GNA14: variants seen among roughly 807,000 people sequenced by gnomAD.
GNA14 encodes the protein G protein subunit alpha 14.
Under a neutral mutation model 42.0 loss-of-function variants are expected in GNA14, and 50 were observed. That is an observed-to-expected ratio of 1.19 (90% CI 0.95 to 1.51). The LOEUF (loss-of-function observed/expected upper bound fraction) is 1.51. Among genes scored for constraint, GNA14 ranks in the 40% most tolerant of loss-of-function variants. GNA14 has a pLI of 0.00. For missense variants in GNA14, 473 were observed against 446.2 expected (o/e 1.06, Z -0.54); for synonymous variants, 173 against 163.1 (o/e 1.06, Z -0.46).
chr9:77,583,487 C>T (rs868744978), intron 1 of GNA14, among the ~76,000 whole-genome samples: 7 of 152,152 alleles, frequency 4.6e-5, no homozygotes, highest in Non-Finnish European at 7.3e-5. Flanking sequence ...GAATTTTACT[C>T]GTTTTATGTT....
chr9:77,605,499 C>G (rs544651791), intron 1 of GNA14, among the ~76,000 whole-genome samples: 1 of 152,340 alleles, frequency 6.6e-6, no homozygotes, highest in East Asian at 1.9e-4. Context: ...GAAAGATTTC[C>G]TGACCCTCCT....
chr9:77,562,135 G>A (rs534369293), intron 1 of GNA14, among the ~76,000 whole-genome samples: 14 of 152,256 alleles, frequency 9.2e-5, no homozygotes, highest in African/African-American at 2.9e-4. Flanking sequence ...CTTTGTACTC[G>A]AGGCCTGAAG....
intron 1 of GNA14, among the ~76,000 whole-genome samples, chr9:77,639,625 G>A (rs950047356): frequency 2.6e-5 from 4 of 152,232 alleles, no homozygotes; most frequent in African/African-American, 9.6e-5. Flanking sequence ...GTGTCTAGCA[G>A]CAGCAGCAGC....
At chr9:77,470,095 CAG>C (rs1157422882) in intron 2 of GNA14, among the ~76,000 whole-genome samples, 1 of 152,216 alleles carries the variant, frequency 6.6e-6, no homozygotes, top group East Asian at 1.9e-4. Flanking sequence ...AAGGAGTTAT[CAG>C]GGCATCCAGT....
chr9:77,597,888 C>T (rs1823492006), intron 1 of GNA14, among the ~76,000 whole-genome samples: 2 of 151,760 alleles, frequency 1.3e-5, no homozygotes, highest in South Asian at 4.2e-4. Flanking sequence ...ATGGTGAAAC[C>T]CCATCTCCAT....
chr9:77,575,347 A>T (rs1181947987), intron 1 of GNA14, among the ~76,000 whole-genome samples: 2 of 152,114 alleles, frequency 1.3e-5, no homozygotes, highest in Non-Finnish European at 2.9e-5. Context: ...GCGCCACTGC[A>T]CTCCAGCCTG....
intron 1 of GNA14, among the ~76,000 whole-genome samples, chr9:77,613,671 T>C (rs969686836): frequency 8.5e-5 from 13 of 152,226 alleles, no homozygotes; most frequent in African/African-American, 3.1e-4. Flanking sequence ...TTGTTAAATA[T>C]GTACAGCTTT....
intron 2 of GNA14, among the ~76,000 whole-genome samples, chr9:77,518,369 A>C (rs1317191211): frequency 6.6e-6 from 1 of 152,140 alleles, no homozygotes; most frequent in African/African-American, 2.4e-5. Flanking sequence ...CCAAATAATG[A>C]CCATCATGAT....
At chr9:77,612,663 TAA>T (rs894428019) in intron 1 of GNA14, among the ~76,000 whole-genome samples, 18 of 140,652 alleles carry the variant, frequency 1.3e-4, no homozygotes, top group Non-Finnish European at 1.4e-4. Context: ...GGCTATTATT[TAA>T]AAAAAAAAAA....
At chr9:77,425,489 A>G (rs1217763961) in intron 6 of GNA14, 73 bp downstream of exon 6, 1 of 1,154,780 alleles carries the variant, frequency 8.7e-7, no homozygotes, top group Non-Finnish European at 1.2e-6. Context: ...TTGAGCCGTG[A>G]TAACTCTAGA....
chr9:77,580,144 A>G (rs1239314433), intron 1 of GNA14: 1 of 215,804 alleles, frequency 4.6e-6, no homozygotes. Context: ...CATAACTCTC[A>G]ATAGTGCCCA....
At chr9:77,618,813 TTAG>T (rs1823875596) in intron 1 of GNA14, among the ~76,000 whole-genome samples, 1 of 147,912 alleles carries the variant, frequency 6.8e-6, no homozygotes, top group Non-Finnish European at 1.5e-5. Flanking sequence ...TTTTGTATTT[TTAG>T]TAGAGACGGG....
intron 2 of GNA14, among the ~76,000 whole-genome samples, chr9:77,464,367 G>GTATA (rs1651539185): frequency 6.6e-6 from 1 of 150,394 alleles, no homozygotes; most frequent in African/African-American, 2.5e-5. Flanking sequence ...GTGTGTGTGT[G>GTATA]TGTGTGTGTG....
chr9:77,516,917 T>G (rs1203067097), intron 2 of GNA14, among the ~76,000 whole-genome samples: 1 of 152,112 alleles, frequency 6.6e-6, no homozygotes, highest in Non-Finnish European at 1.5e-5. Flanking sequence ...AGGATCGTGG[T>G]TGAAAAGAAC....
intron 1 of GNA14, among the ~76,000 whole-genome samples, chr9:77,629,933 A>C (rs546866478): frequency 1.3e-5 from 2 of 152,280 alleles, no homozygotes; most frequent in Admixed American, 6.5e-5. Flanking sequence ...GTCAGCACTG[A>C]ATTTTTAAAA....
intron 1 of GNA14, among the ~76,000 whole-genome samples, chr9:77,570,565 T>A (rs1011843301): frequency 6.6e-6 from 1 of 152,218 alleles, no homozygotes; most frequent in African/African-American, 2.4e-5. Flanking sequence ...GTAGCGTGCA[T>A]CAGTACTTCA....
At chr9:77,622,508 C>A (rs1317730076) in intron 1 of GNA14, among the ~76,000 whole-genome samples, 1 of 152,014 alleles carries the variant, frequency 6.6e-6, no homozygotes, top group Non-Finnish European at 1.5e-5. Context: ...GTGGCTCATG[C>A]TTGTAATCCC....
chr9:77,565,407 T>C (rs1742705850), intron 1 of GNA14, among the ~76,000 whole-genome samples: 1 of 146,692 alleles, frequency 6.8e-6, no homozygotes, highest in Admixed American at 6.6e-5. Flanking sequence ...TTTCATATAT[T>C]GGGTCAAATA....
chr9:77,466,907 G>A (rs189433868), intron 2 of GNA14, among the ~76,000 whole-genome samples: 37 of 152,134 alleles, frequency 2.4e-4, no homozygotes, highest in Admixed American at 2.2e-3. Context: ...ACTTCCTAGA[G>A]GCTGGCCCCT....
Sources: gnomAD v4.1 joint callset for allele counts (sites outside exome capture counted in the v4.1 genomes callset) on GRCh38, gnomAD v4.1.1 for gene constraint, MANE v1.5 for transcripts, NCBI Gene and HGNC (gene_info 2026-07-23, HGNC 2026-07-21) for gene names.